SEC14L1: variants seen among roughly 807,000 people sequenced by gnomAD.
SEC14L1 encodes the protein SEC14-like protein 1.
SEC14L1 carries 48 observed loss-of-function variants against 85.3 expected under a neutral mutation model. That is an observed-to-expected ratio of 0.56 (90% CI 0.45 to 0.72). The LOEUF (loss-of-function observed/expected upper bound fraction) is 0.72, where lower values mean the gene tolerates loss of function less well. SEC14L1 is among the 30% of genes least tolerant of loss of function. The pLI is 0.00. For synonymous variants in SEC14L1, 391 were observed against 355.5 expected (o/e 1.10, Z -1.12); for missense variants, 682 against 921.4 (o/e 0.74, Z 3.36).
intron 3 of SEC14L1, among the ~76,000 whole-genome samples, chr17:77,133,958 C>T (rs1027849772): frequency 1.7e-5 from 2 of 118,696 alleles, no homozygotes; most frequent in South Asian, 2.8e-4. Context: ...AAAAAAAAAG[C>T]TCTGGAAGCG....
chr17:77,098,595 CAT>C (rs1457760167), intron 3 of SEC14L1, among the ~76,000 whole-genome samples: 1 of 152,178 alleles, frequency 6.6e-6, no homozygotes, highest in East Asian at 1.9e-4. Context: ...TGTTGAGCCA[CAT>C]GTCCTGCAGT....
intron 3 of SEC14L1, among the ~76,000 whole-genome samples, chr17:77,161,908 CTCT>C (rs1049651444): frequency 2.9e-5 from 4 of 136,802 alleles, no homozygotes; most frequent in Admixed American, 7.4e-5. Flanking sequence ...CTCTTTCTTT[CTCT>C]TCTTTTCTTC....
At position 77,123,610 on chromosome 17, in the gene SEC14L1, T is replaced by A. The variant is rs183851569; in HGVS notation, c.-135-19036T>A. Among the ~76,000 whole-genome samples, 44 of 150,442 alleles carry A rather than the reference T, an allele frequency of 2.9e-4. No homozygotes were observed. In the East Asian group the frequency reaches 8.5e-3, roughly 29 times the overall value. The stretch of plus-strand genomic sequence containing the variant: ...TGTTTTTTTTTTGTAGAGACAGAGG[T>A]CTCACCATGTTGCCCAGGTCTCGAA... On this transcript the variant is annotated intron_variant, in intron 3 of 19. Transcript: ENST00000392476.
At chr17:77,150,238 G>A (rs1973496227) in intron 3 of SEC14L1, among the ~76,000 whole-genome samples, 1 of 152,192 alleles carries the variant, frequency 6.6e-6, no homozygotes, top group African/African-American at 2.4e-5. Flanking sequence ...TTTGAGGCCA[G>A]GTACAAACCT....
intron 3 of SEC14L1, among the ~76,000 whole-genome samples, chr17:77,170,133 G>A (rs140895734): frequency 6.6e-6 from 1 of 152,320 alleles, no homozygotes; most frequent in East Asian, 1.9e-4. Context: ...AGCATTAAAA[G>A]TAATGGTTTG....
chr17:77,119,925 C>T (rs1972256564), intron 3 of SEC14L1, among the ~76,000 whole-genome samples: 1 of 152,176 alleles, frequency 6.6e-6, no homozygotes, highest in Admixed American at 6.6e-5. Flanking sequence ...GGGAATCTGA[C>T]CTTTGGGACA....
At chr17:77,176,239 G>A (rs996851002) in intron 3 of SEC14L1, among the ~76,000 whole-genome samples, 2 of 151,978 alleles carry the variant, frequency 1.3e-5, no homozygotes, top group Admixed American at 6.5e-5. Flanking sequence ...GCAGCGAGCC[G>A]AGATCATGCT....
intron 3 of SEC14L1, among the ~76,000 whole-genome samples, chr17:77,106,486 C>T (rs999612698): frequency 1.3e-5 from 2 of 151,566 alleles, no homozygotes; most frequent in African/African-American, 4.9e-5. Flanking sequence ...GAGCCGAGAT[C>T]GTGTCACTGC....
intron 3 of SEC14L1, among the ~76,000 whole-genome samples, chr17:77,157,117 G>A (rs1448703808): frequency 6.6e-6 from 1 of 152,118 alleles, no homozygotes; most frequent in African/African-American, 2.4e-5. Flanking sequence ...ATCACAAAAT[G>A]TGTGTGTTTC....
rs1261328536 is a variant in SEC14L1, at chr17:77,158,575, A to G, written c.63+14916A>G. ...TTTTTTCACTTAGCCTAATGTCTTC[A>G]AGGTTCATCCATGTTGTAGCATGTG... On this transcript the variant is annotated intron_variant, in intron 3 of 16. Transcript: ENST00000436233. Among the ~76,000 whole-genome samples the G allele has an allele frequency of 4.6e-5, 7 of 152,000 alleles. 1 individual carries two copies. Among genetic ancestry groups the G allele is most frequent in the African/African-American group, 1.7e-4 (7 of 41,468 alleles).
intron 3 of SEC14L1, among the ~76,000 whole-genome samples, chr17:77,172,844 A>G (rs559451481): frequency 6.6e-6 from 1 of 152,140 alleles, no homozygotes; most frequent in African/African-American, 2.4e-5. Context: ...TCCTTTAATT[A>G]TCAGTTCTCC....
At chr17:77,180,766 T>A (rs1414225073) in intron 3 of SEC14L1, among the ~76,000 whole-genome samples, 1 of 152,236 alleles carries the variant, frequency 6.6e-6, no homozygotes, top group Non-Finnish European at 1.5e-5. Context: ...TGGACGGGTA[T>A]GCCGTAACTG....
chr17:77,166,694 C>G (rs1974296930), intron 3 of SEC14L1, among the ~76,000 whole-genome samples: 1 of 152,056 alleles, frequency 6.6e-6, no homozygotes, highest in Non-Finnish European at 1.5e-5. Flanking sequence ...AAAAAATTAG[C>G]CAGGCTGGGT....
In SEC14L1 at chr17:77,213,783, C is replaced by T. The variant is rs754596398; in HGVS notation, c.2043-135C>T. ...CCCTGGTGGGTTACTCATGTCCATC[C>T]CCCGTTTGCAAGCACTGATGGGGAT... is the stretch of plus-strand genomic sequence containing the variant. On this transcript the variant is annotated intron_variant, in intron 16 of 16. Transcript: ENST00000436233. This position sits in a 1 kb window ranked among gnomAD's most constrained non-coding sequence, Gnocchi z 7.1. The T allele has an allele frequency of 7.7e-6, 9 of 1,174,498 alleles. No individual in the cohort carries two copies. The African/African-American group carries it at 1.2e-4, about 16-fold the overall frequency. 72.8% of individuals were successfully genotyped at this position (1,174,498 alleles called of 1,614,324 possible). A position where few individuals can be genotyped will look rare whatever the true frequency, so the allele number is the denominator to read the frequency against.
At position 77,135,441 on chromosome 17, in the gene SEC14L1, T is replaced by C. The variant is rs529240326; in HGVS notation, c.-135-7205T>C. 6.6e-5 allele frequency among the ~76,000 whole-genome samples: 10 copies of C among 152,362 alleles called. No homozygotes were observed. In the East Asian group the frequency reaches 1.3e-3, roughly 21 times the overall value. On this transcript the variant is annotated intron_variant, in intron 3 of 19. Coordinates refer to the SEC14L1 transcript ENST00000392476. Reference sequence around the variant, plus strand: ...CCCTATTTCTCATTTCTAGCACTTATCACACTGTGTATAGACTTAGTTTAT... The same window carrying C: ...CCCTATTTCTCATTTCTAGCACTTACCACACTGTGTATAGACTTAGTTTAT...
intron 3 of SEC14L1, among the ~76,000 whole-genome samples, chr17:77,170,001 C>T (rs1974456147): frequency 6.6e-6 from 1 of 152,166 alleles, no homozygotes; most frequent in South Asian, 2.1e-4. Context: ...ATAGGATCGG[C>T]CTCAGTCCAT....
intron 3 of SEC14L1, among the ~76,000 whole-genome samples, chr17:77,163,714 G>A (rs573845162): frequency 2.6e-5 from 4 of 152,156 alleles, no homozygotes; most frequent in Non-Finnish European, 5.9e-5. Context: ...TCAAAGGAGC[G>A]GCTCGCAGCG....
chr17:77,118,173 G>C (rs1972220420), intron 3 of SEC14L1, among the ~76,000 whole-genome samples: 1 of 152,266 alleles, frequency 6.6e-6, no homozygotes, highest in African/African-American at 2.4e-5. Flanking sequence ...GAGTGCGGCA[G>C]GCCGCACTGT....
At chr17:77,175,055 A>G (rs116663268) in intron 3 of SEC14L1, among the ~76,000 whole-genome samples, 1 of 152,300 alleles carries the variant, frequency 6.6e-6, no homozygotes, top group African/African-American at 2.4e-5. Flanking sequence ...AGTACAAGGT[A>G]TGTCTGGACT....
Sources: allele counts gnomAD v4.1 joint callset (sites outside exome capture counted in the v4.1 genomes callset), GRCh38; gene constraint gnomAD v4.1.1; non-coding constraint Gnocchi (gnomAD v3.1); transcripts MANE v1.5; gene names NCBI Gene and HGNC (gene_info 2026-07-23, HGNC 2026-07-21).